Variants in RNF217 observed in about 807,000 individuals in gnomAD.
The protein encoded by RNF217 is ring finger protein 217.
Under a neutral mutation model 57.8 loss-of-function variants are expected in RNF217, and 31 were observed. The observed-to-expected ratio is 0.54, with a 90% confidence interval of 0.40 to 0.72. The LOEUF is 0.72. Among genes scored for constraint, RNF217 ranks in the 30% least tolerant of loss-of-function variants. The pLI, the probability that RNF217 is intolerant of heterozygous loss-of-function variation, is 0.00. For missense variants in RNF217, 696 were observed against 708.3 expected (o/e 0.98, Z 0.20); for synonymous variants, 313 against 294.0 (o/e 1.06, Z -0.66).
intron 2 of RNF217, chr6:125,048,229 G>C (rs752737638): frequency 1.5e-6 from 2 of 1,356,526 alleles, no homozygotes; most frequent in Non-Finnish European, 2.0e-6. Flanking sequence ...CCTGTACTGA[G>C]ACTAAGATCT....
chr6:125,082,831 T>C, intron 5 of RNF217, 33 bp from the exon 6 acceptor site: 1 of 1,492,536 alleles, frequency 6.7e-7, no homozygotes, highest in East Asian at 2.3e-5. Context: ...ATGCCTCTCA[T>C]CCTAACTAAC....
In RNF217 at chr6:125,092,013, G is replaced by A. The variant is rs147938967; in HGVS notation, c.*9076G>A. The A allele has an allele frequency of 9.3e-4, 142 of 152,130 alleles. 1 individual carries two copies. Among genetic ancestry groups the A allele is most frequent in the African/African-American group, 3.3e-3 (135 of 41,536 alleles). The allele number at this position is 152,130 out of a possible 1,614,324, so 9.4% of individuals were successfully genotyped here. Reference sequence around the variant, plus strand: ...ATGCTGAATAATTAAACTAAACCATGTGCTTAGAAAAGACAAAGACAGGTT... The same window carrying A: ...ATGCTGAATAATTAAACTAAACCATATGCTTAGAAAAGACAAAGACAGGTT... On this transcript the variant is annotated 3_prime_UTR_variant, in exon 6 of 6. Coordinates refer to ENST00000521654, the MANE Select transcript of RNF217 (RefSeq NM_001286398.3).
intron 2 of RNF217, among the ~76,000 whole-genome samples, chr6:125,047,786 A>G (rs576893264): frequency 6.6e-6 from 1 of 152,194 alleles, no homozygotes; most frequent in Admixed American, 6.6e-5. Context: ...ATTCAACAAC[A>G]CCATAAATGT....
chr6:125,034,800 T>G (rs1346387986), intron 1 of RNF217, among the ~76,000 whole-genome samples: 2 of 152,150 alleles, frequency 1.3e-5, no homozygotes, highest in Admixed American at 6.5e-5. Context: ...TATGGCCATT[T>G]TCACGATATT....
chr6:125,071,366 A>C (rs1207583808), intron 3 of RNF217, among the ~76,000 whole-genome samples: 2 of 151,470 alleles, frequency 1.3e-5, no homozygotes, highest in African/African-American at 4.9e-5. Flanking sequence ...ACTGATACTC[A>C]CAGTGGACTG....
At chr6:124,974,452 C>G (rs907948691) in intron 1 of RNF217, among the ~76,000 whole-genome samples, 2 of 151,984 alleles carry the variant, frequency 1.3e-5, no homozygotes, top group African/African-American at 2.4e-5. Flanking sequence ...TTAAAGAAAA[C>G]TTAGTGAAAG....
At chr6:125,011,173 T>C (rs775253440) in intron 1 of RNF217, among the ~76,000 whole-genome samples, 4 of 152,190 alleles carry the variant, frequency 2.6e-5, no homozygotes, top group Non-Finnish European at 4.4e-5. Flanking sequence ...TAAAGTTTTG[T>C]CTAAGGCTGA....
At chr6:125,019,834 G>C (rs543224804) in intron 1 of RNF217, among the ~76,000 whole-genome samples, 14 of 141,492 alleles carry the variant, frequency 9.9e-5, no homozygotes, top group African/African-American at 2.3e-4. Context: ...TTTTTGCAGT[G>C]GGGGGGGAGT....
rs1224463096 is a variant in RNF217, at chr6:124,996,647, A to G, written c.882+33221A>G. The G allele has an allele frequency of 2.6e-5, 4 of 152,226 alleles. No homozygotes were observed. The South Asian group carries it at 8.3e-4, about 31-fold the overall frequency. The allele number at this position is 152,226 out of a possible 1,614,324, so 9.4% of individuals were successfully genotyped here. ...AGTCAAGTTTTGTGTAACCTGAAGC[A>G]TATACAGTGTGAGCATACTCTTTAA... On this transcript the variant is annotated intron_variant, in intron 1 of 5. Coordinates refer to ENST00000521654, the MANE Select transcript of RNF217 (RefSeq NM_001286398.3).
Position 125,087,437 on chromosome 6 carries a change from G to T in RNF217, c.*4500G>T, listed in dbSNP as rs1788803396. 1 of 151,974 alleles carries T rather than the reference G, an allele frequency of 6.6e-6. No individual in the cohort carries two copies. Among genetic ancestry groups the T allele is most frequent in the African/African-American group, 2.4e-5 (1 of 41,378 alleles). The allele number at this position is 151,974 out of a possible 1,614,324, so 9.4% of individuals were successfully genotyped here. Reference sequence around the variant, plus strand: ...AACTATTGAGAGTGATCTTTCCCATGGTCTGCTTTATTGTTTTGTGTTAAT... The same window carrying T: ...AACTATTGAGAGTGATCTTTCCCATTGTCTGCTTTATTGTTTTGTGTTAAT... On this transcript the variant is annotated 3_prime_UTR_variant, in exon 6 of 6. Transcript: ENST00000521654.
chr6:125,046,122 T>A (rs1489221738), intron 2 of RNF217, among the ~76,000 whole-genome samples: 3 of 152,028 alleles, frequency 2.0e-5, no homozygotes, highest in Non-Finnish European at 4.4e-5. Context: ...CAGATAAACC[T>A]GGTGAGCATT....
rs144404067 is a variant in RNF217, at chr6:125,035,970, A to G, written c.883-9241A>G. 5.4e-3 allele frequency among the ~76,000 whole-genome samples: 828 copies of G among 152,210 alleles called. 1 individual carries two copies. Among genetic ancestry groups the G allele is most frequent in the Non-Finnish European group, 9.3e-3 (636 of 68,022 alleles). ...CATGTGCAGAATGTGCAGGATTGTTACATAGGTATACATGTGCCATGGTGG... is the reference window on the plus strand; with the variant it reads ...CATGTGCAGAATGTGCAGGATTGTTGCATAGGTATACATGTGCCATGGTGG... On this transcript the variant is annotated intron_variant, in intron 1 of 5. Coordinates refer to ENST00000521654, the MANE Select transcript of RNF217 (RefSeq NM_001286398.3).
chr6:125,067,274 C>T (rs547598827), intron 3 of RNF217, among the ~76,000 whole-genome samples: 2 of 152,248 alleles, frequency 1.3e-5, no homozygotes, highest in East Asian at 3.9e-4. Flanking sequence ...TTGCAAACAA[C>T]ATTAAGATAG....
At chr6:125,074,297 G>GTAGA (rs61208735) in intron 3 of RNF217, among the ~76,000 whole-genome samples, 12,606 of 144,754 alleles carry the variant, frequency 0.087, 554 homozygotes, top group Middle Eastern at 0.1. Context: ...CAGAAGATAG[G>GTAGA]TAGATAGATA....
intron 1 of RNF217, among the ~76,000 whole-genome samples, chr6:125,010,264 C>T (rs1038733914): frequency 1.3e-5 from 2 of 151,990 alleles, no homozygotes; most frequent in African/African-American, 4.8e-5. Context: ...TTAAGAATTG[C>T]CAGAGTATAA....
At chr6:125,075,612 G>A (rs1473507189) in intron 3 of RNF217, among the ~76,000 whole-genome samples, 2 of 152,110 alleles carry the variant, frequency 1.3e-5, no homozygotes, top group African/African-American at 2.4e-5. Flanking sequence ...CCCTGCCCTT[G>A]ACACGTGGGG....
At position 125,013,085 on chromosome 6, in the gene RNF217, AT is replaced by A. The variant is rs559128266; in HGVS notation, c.883-32118del. On this transcript the variant is annotated intron_variant, in intron 1 of 5. Coordinates refer to ENST00000521654, the MANE Select transcript of RNF217 (RefSeq NM_001286398.3). ...TTGAAATAATTGACATTTAGTTCTGATTTTTTTTCATTGTTTCAGTATGAAA... is the reference window on the plus strand; with the variant it reads ...TTGAAATAATTGACATTTAGTTCTGATTTTTTTCATTGTTTCAGTATGAAA... Among the ~76,000 whole-genome samples the A allele has an allele frequency of 3.3e-5, 5 of 151,960 alleles. No individual in the cohort carries two copies. The East Asian group carries it at 9.6e-4, about 29-fold the overall frequency.
At chr6:125,011,122 AG>A (rs1166973102) in intron 1 of RNF217, among the ~76,000 whole-genome samples, 1 of 152,158 alleles carries the variant, frequency 6.6e-6, no homozygotes, top group African/African-American at 2.4e-5. Flanking sequence ...AGCCGTTAAA[AG>A]GGAAGGAAGA....
At chr6:124,965,604 A>G (rs1783509186) in intron 1 of RNF217, among the ~76,000 whole-genome samples, 1 of 152,160 alleles carries the variant, frequency 6.6e-6, no homozygotes, top group Non-Finnish European at 1.5e-5. Context: ...TATTTAAAAT[A>G]ATAAACAGCA....
Sources: gnomAD v4.1 joint callset for allele counts (sites outside exome capture counted in the v4.1 genomes callset) on GRCh38, gnomAD v4.1.1 for gene constraint, MANE v1.5 for transcripts, NCBI Gene and HGNC (gene_info 2026-07-23, HGNC 2026-07-21) for gene names.